The following GCC2 variants were observed in gnomAD, a reference collection of about 807,000 sequenced individuals.
GCC2 encodes the protein GRIP and coiled-coil domain-containing protein 2.
A neutral mutation model predicts 210.6 loss-of-function variants in GCC2; 120 were observed. The observed-to-expected ratio is 0.57, with a 90% CI of 0.49 to 0.66. The LOEUF (loss-of-function observed/expected upper bound fraction) is 0.66. Ranked by LOEUF, GCC2 falls within the 30% of genes least tolerant of loss-of-function variation. GCC2 has a pLI of 0.00. For missense variants in GCC2, 1,868 were observed against 1,871.9 expected (o/e 1.00, Z 0.04); for synonymous variants, 703 against 652.7 (o/e 1.08, Z -1.17).
At position 108,482,444 on chromosome 2, in the gene GCC2, A is replaced by C. The variant is rs1309592184; in HGVS notation, c.3338A>C (p.Lys1113Thr). Reference protein sequence around the residue: ...LEAEKLQKEQKIKEHATTVNE... With the variant: ...LEAEKLQKEQTIKEHATTVNE... Reference sequence around the variant, plus strand: ...GCTGAAAAACTTCAGAAAGAACAGAAGATAAAGGTAAAAACAATCCTATGA... The same window carrying C: ...GCTGAAAAACTTCAGAAAGAACAGACGATAAAGGTAAAAACAATCCTATGA... The change falls in exon 11 of 23, where the codon AAG (lysine) becomes ACG (threonine). Residue 1113 changes from lysine to threonine, a missense_variant. Transcript: ENST00000309863. 6.6e-7 allele frequency: 1 copy of C among 1,517,462 alleles called. No homozygotes were observed. The highest frequency in any genetic ancestry group is 9.1e-7 in the Non-Finnish European group (1 of 1,099,468). The allele number at this position is 1,517,462 out of a possible 1,614,324, so 94.0% of individuals were successfully genotyped here. A position where few individuals can be genotyped will look rare whatever the true frequency, so the allele number is the denominator to read the frequency against.
chr2:108,449,542 TAGA>T (rs1300190155), intron 1 of GCC2, 88 bp from the exon 2 acceptor site: 20 of 1,365,318 alleles, frequency 1.5e-5, no homozygotes, highest in East Asian at 2.3e-5. Flanking sequence ...CTTGATTCCA[TAGA>T]AGGTTTTTCC....
chr2:108,471,790 G>A lies in GCC2; in HGVS notation c.2461G>A (p.Glu821Lys). ...AAAAGAGATTAAGTGCCTTCAAGAAGAGAGTGTAGTTCAGTGTGAAGAACT... is the reference window on the plus strand; with the variant it reads ...AAAAGAGATTAAGTGCCTTCAAGAAAAGAGTGTAGTTCAGTGTGAAGAACT... The part of the protein sequence containing the change: ...LEKEIKCLQE[E>K]SVVQCEELKS... Residue 821 changes from glutamate (E) to lysine (K), a missense_variant, in exon 6 of 23, where the codon GAG (glutamate) becomes AAG (lysine). Glu to Lys is a moderately conservative substitution (Grantham distance 56, BLOSUM62 1). This residue lies in a region of GCC2 where 1,847 missense variants were observed against 1,765.2 expected (regional missense o/e 1.05). Transcript: ENST00000309863. The A allele has an allele frequency of 6.2e-7, 1 of 1,613,286 alleles. No homozygotes were observed. Among genetic ancestry groups the A allele is most frequent in the Non-Finnish European group, 8.5e-7 (1 of 1,179,418 alleles).
intron 21 of GCC2, among the ~76,000 whole-genome samples, chr2:108,497,817 G>A (rs1254979891): frequency 6.6e-6 from 1 of 152,134 alleles, no homozygotes; most frequent in Admixed American, 6.5e-5. Context: ...TATGACCCAG[G>A]CCCTGGGCTC....
intron 11 of GCC2, 131 bp downstream of exon 11, chr2:108,482,582 A>G (rs185116870): frequency 7.6e-6 from 4 of 528,014 alleles, no homozygotes; most frequent in African/African-American, 3.9e-5. Flanking sequence ...CTTAATACCA[A>G]CCATAAATTT....
At position 108,487,852 on chromosome 2, in the gene GCC2, C is replaced by T. The variant is rs766893176; in HGVS notation, c.4052+32C>T. Reference sequence around the variant, plus strand: ...TCTGAATTAAATATGCAGAGTTTTCCTCCCACAATGCAGGTTCTTCACCAA... The same window carrying T: ...TCTGAATTAAATATGCAGAGTTTTCTTCCCACAATGCAGGTTCTTCACCAA... On this transcript the variant is annotated intron_variant, in intron 17 of 22. Coordinates refer to ENST00000309863, the MANE Select transcript of GCC2 (RefSeq NM_181453.4). 7.5e-6 allele frequency: 12 copies of T among 1,598,282 alleles called. No homozygotes were observed. In the East Asian group the frequency reaches 1.1e-4, roughly 15 times the overall value.
chr2:108,451,199 TTTTG>T (rs1163646790), intron 3 of GCC2, 87 bp downstream of exon 3: 8 of 759,190 alleles, frequency 1.1e-5, no homozygotes, highest in Admixed American at 7.2e-5. Context: ...ATTGGCTTGT[TTTTG>T]TTTGTTTTCC....
intron 18 of GCC2, among the ~76,000 whole-genome samples, chr2:108,491,039 T>C (rs1179070990): frequency 6.6e-6 from 1 of 152,192 alleles, no homozygotes; most frequent in Non-Finnish European, 1.5e-5. Context: ...TATGAAGAAA[T>C]AGCCTTCTCT....
chr2:108,468,937 A>C lies in GCC2; in HGVS notation c.217-43A>C, dbSNP rs550273694. ...AGATAATTACGCATGTGGTCAATCC[A>C]CCATTTTTTAACCCCAGGCAAATAA... On this transcript the variant is annotated intron_variant, in intron 4 of 22. Coordinates refer to ENST00000309863, the MANE Select transcript of GCC2 (RefSeq NM_181453.4). The C allele has an allele frequency of 2.4e-6, 3 of 1,267,192 alleles. No individual in the cohort carries two copies. The East Asian group carries it at 6.9e-5, about 29-fold the overall frequency. 78.5% of individuals were successfully genotyped at this position (1,267,192 alleles called of 1,614,324 possible).
At chr2:108,493,890 T>A in intron 19 of GCC2, 3 of 985,128 alleles carry the variant, frequency 3.0e-6, no homozygotes, top group Non-Finnish European at 3.6e-6. Flanking sequence ...AGGAAAAAGC[T>A]TCAAAAAGGG....
At chr2:108,490,787 A>G (rs1682368802) in intron 18 of GCC2, among the ~76,000 whole-genome samples, 1 of 152,206 alleles carries the variant, frequency 6.6e-6, no homozygotes, top group African/African-American at 2.4e-5. Flanking sequence ...ATTATCTTAT[A>G]TATAGTGATG....
In GCC2 at chr2:108,496,981, T is replaced by A. The variant is rs779330631; in HGVS notation, c.4654T>A (p.Trp1552Arg). Residue 1552 changes from tryptophan to arginine, a missense_variant, in exon 21 of 23, where the codon TGG becomes AGG. Transcript: ENST00000309863. The part of the protein sequence containing the change: ...SPETKLEPPL[W>R]HAEFTKEELV... ...ACAACATGTTGCAGAGCCTCCATTA[T>A]GGCATGCTGAATTTACCAAAGAAGA... The A allele has an allele frequency of 2.0e-5, 32 of 1,611,840 alleles. No individual in the cohort carries two copies. The highest frequency in any genetic ancestry group is 2.2e-4 in the Middle Eastern group (1 of 4,452).
chr2:108,465,836 A>G (rs1042919822), intron 4 of GCC2, among the ~76,000 whole-genome samples: 1 of 152,064 alleles, frequency 6.6e-6, no homozygotes, highest in African/African-American at 2.4e-5. Flanking sequence ...CCTTTTCCCC[A>G]CATCCACGCA....
chr2:108,471,955 C>A lies in GCC2; in HGVS notation c.2626C>A (p.Gln876Lys). Residue 876 changes from glutamine to lysine, a missense_variant, in exon 6 of 23, where the codon CAG becomes AAG. Physicochemically the swap from Gln to Lys is moderately conservative, Grantham distance 53. This residue lies in a region of GCC2 where 1,847 missense variants were observed against 1,765.2 expected (regional missense o/e 1.05). Transcript: ENST00000309863. Reference sequence around the variant, plus strand: ...TAATGAAAAAACAAGGCTTGAAAATCAGAATCTTTTAATTCAAGTTGAAGA... The same window carrying A: ...TAATGAAAAAACAAGGCTTGAAAATAAGAATCTTTTAATTCAAGTTGAAGA... Reference protein sequence around the residue: ...NANEKTRLENQNLLIQVEEVS... With the variant: ...NANEKTRLENKNLLIQVEEVS... 1.2e-6 allele frequency: 2 copies of A among 1,603,870 alleles called. No homozygotes were observed. Among genetic ancestry groups the A allele is most frequent in the South Asian group, 1.1e-5 (1 of 87,976 alleles).
At chr2:108,491,281 T>G (rs1370063638) in intron 18 of GCC2, among the ~76,000 whole-genome samples, 1 of 152,172 alleles carries the variant, frequency 6.6e-6, no homozygotes, top group African/African-American at 2.4e-5. Flanking sequence ...TTCAAATTGG[T>G]AAATTCATAA....
intron 11 of GCC2, 32 bp from the exon 12 acceptor site, chr2:108,483,030 G>A: frequency 9.2e-7 from 1 of 1,090,994 alleles, no homozygotes; most frequent in Non-Finnish European, 1.4e-6. Context: ...TATTGGTTGG[G>A]TGGTGTGGGT....
intron 13 of GCC2, 63 bp from the exon 14 acceptor site, chr2:108,485,573 G>A (rs1024874902): frequency 1.1e-5 from 9 of 823,304 alleles, no homozygotes; most frequent in African/African-American, 1.7e-5. Flanking sequence ...ACATATTTGT[G>A]TATTTAAATT....
chr2:108,497,723 G>A (rs1056021331), intron 21 of GCC2, among the ~76,000 whole-genome samples: 4 of 152,054 alleles, frequency 2.6e-5, no homozygotes, highest in African/African-American at 9.7e-5. Flanking sequence ...AACAGTTGAG[G>A]ATTACTCAAA....
intron 19 of GCC2, chr2:108,494,385 A>T (rs2378143): frequency 1.3e-5 from 2 of 152,226 alleles, no homozygotes; most frequent in African/African-American, 4.8e-5. Context: ...GAAAAAAAAA[A>T]AACACTATAC....
rs1452133427 is a variant in GCC2 at position 108,486,575 on chromosome 2, A to G, written c.3857A>G (p.Glu1286Gly). The G allele has an allele frequency of 1.2e-6, 2 of 1,614,124 alleles. No individual in the cohort carries two copies. The highest frequency in any genetic ancestry group is 2.2e-5 in the South Asian group (2 of 91,086). ...KIHEHLKTSA[E>G]QHQRTLSAYQ... The stretch of plus-strand genomic sequence containing the variant: ...CACGAGCACCTGAAAACCTCTGCGG[A>G]ACAGCACCAGCGTACGCTAAGTGCA... The change falls in exon 16 of 23, where the codon GAA (glutamate) becomes GGA (glycine). Residue 1286 changes from glutamate to glycine, a missense_variant. Glu to Gly is a moderately conservative substitution (Grantham distance 98). Around this residue, in one of 3 missense-constraint regions of GCC2, gnomAD observed 1,847 missense variants for 1,765.2 expected, o/e 1.05. Transcript: ENST00000309863.
Sources: gnomAD v4.1 joint callset for allele counts (sites outside exome capture counted in the v4.1 genomes callset) on GRCh38, gnomAD v4.1.1 for gene constraint, gnomAD v4.1.1 regional missense constraint, MANE v1.5 for transcripts, NCBI Gene and HGNC (gene_info 2026-07-23, HGNC 2026-07-21) for gene names.